The following BEST4 variants were observed in gnomAD, a reference collection of about 807,000 sequenced individuals.
The protein encoded by BEST4 is bestrophin 4, also known as bestrophin-4.
Under a neutral mutation model 47.1 loss-of-function variants are expected in BEST4, and 36 were observed. That is an observed-to-expected ratio of 0.76 (90% CI 0.59 to 1.01). BEST4 has a LOEUF of 1.01. BEST4 is among the 50% of genes least tolerant of loss of function. The probability of loss-of-function intolerance (pLI) is 0.00; values close to 1 mark genes in which losing one functional copy is unlikely to be tolerated. For missense variants in BEST4, 550 were observed against 648.6 expected (o/e 0.85, Z 1.65); for synonymous variants, 250 against 277.8 (o/e 0.90, Z 1.00).
rs1412637721 is a variant in BEST4 at position 44,785,320 on chromosome 1, G to A, written c.715-15C>T. ...ATGGTCACCACCTGGAGAATGAAGA[G>A]CCAGGCTCAGTGCAGGATGCAGCGG... is the stretch of plus-strand genomic sequence containing the variant. On this transcript the variant is annotated splice_polypyrimidine_tract_variant and intron_variant, in intron 5 of 8. Coordinates refer to ENST00000372207, the MANE Select transcript of BEST4 (RefSeq NM_153274.3). The A allele has an allele frequency of 2.0e-5, 31 of 1,572,606 alleles. No individual in the cohort carries two copies. Among genetic ancestry groups the A allele is most frequent in the Non-Finnish European group, 2.4e-5 (28 of 1,157,992 alleles).
upstream of BEST4, among the ~76,000 whole-genome samples, chr1:44,788,762 G>C (rs954156519): frequency 1.3e-5 from 2 of 152,246 alleles, no homozygotes; most frequent in Non-Finnish European, 2.9e-5. Flanking sequence ...CAGTCTTCTT[G>C]TACAGGGGCT....
downstream of BEST4, among the ~76,000 whole-genome samples, chr1:44,781,847 A>G (rs891417268): frequency 6.6e-6 from 1 of 152,182 alleles, no homozygotes. Flanking sequence ...TAATTGGGAA[A>G]AAAGTCTTGA....
In BEST4 at chr1:44,784,569, G is replaced by A; in HGVS notation, c.1148+60C>T. 2 of 1,558,084 alleles carry A rather than the reference G, an allele frequency of 1.3e-6. No individual in the cohort carries two copies. The highest frequency in any genetic ancestry group is 2.4e-5 in the South Asian group (2 of 85,006). ...CTCTCGGGGAAGGACCGAGGCATCG[G>A]TGCCCCAGAGGCTGAGCGAGGACCC... On this transcript the variant is annotated intron_variant, in intron 8 of 8. Transcript: ENST00000372207. This position sits in a 1 kb window ranked among gnomAD's most constrained non-coding sequence, Gnocchi z 6.2.
downstream of BEST4, among the ~76,000 whole-genome samples, chr1:44,782,657 TAAA>T (rs1651076213): frequency 7.3e-6 from 1 of 137,916 alleles, no homozygotes; most frequent in Admixed American, 6.9e-5. Context: ...AATAAATAAA[TAAA>T]TAAATAAATA....
Position 44,787,573 on chromosome 1 carries a change from C to G in BEST4, c.133G>C (p.Val45Leu), listed in dbSNP as rs1440060506. Residue 45 changes from valine (V) to leucine (L), a missense_variant, in exon 1 of 9, where the codon GTG becomes CTG. By Grantham distance (32) the Val-to-Leu change is conservative. Around this residue, in one of 3 missense-constraint regions of BEST4, gnomAD observed 291 missense variants for 342.4 expected, o/e 0.85. Transcript: ENST00000372207. ...CCTTACCGGTAGGTGATGCTAAGCA[C>G]AGCGTACAAGGCCCCAAAGAGGAGG... ...EFLLFGALYA[V>L]LSITYRLLLT... is the part of the protein sequence containing the mutation. 6.2e-7 allele frequency: 1 copy of G among 1,614,074 alleles called. No individual in the cohort carries two copies. The highest frequency in any genetic ancestry group is 8.5e-7 in the Non-Finnish European group (1 of 1,180,042).
At chr1:44,792,426 C>CAAA (rs35538089), upstream of BEST4, among the ~76,000 whole-genome samples, 4 of 98,186 alleles carry the variant, frequency 4.1e-5, no homozygotes, top group Admixed American at 2.2e-4. Flanking sequence ...GACTCCATCT[C>CAAA]AAAAAAAAAA....
chr1:44,785,204 C>T lies in BEST4; in HGVS notation c.816G>A (p.Lys272=). The T allele has an allele frequency of 6.2e-7, 1 of 1,613,818 alleles. No homozygotes were observed. The highest frequency in any genetic ancestry group is 1.1e-5 in the South Asian group (1 of 91,040). Residue 272 remains lysine (K), a synonymous_variant, in exon 6 of 9, where the codon AAG becomes AAA. Transcript: ENST00000372207. ...AGAAKPQKLL[K]PGQEPAPALG... ...GGGCTGGGGCTGGCTCCTGGCCTGG[C>T]TTCAGAAGCTTCTGAGGTTTGGCAG...
rs766409121 is a variant in BEST4, at chr1:44,787,754, G to C, written c.-49C>G. The stretch of plus-strand genomic sequence containing the variant: ...GGTCACAAGAGTTGCCCCCAGGGCT[G>C]TCGTTTAGTTCTCCAGACAACCTCC... On this transcript the variant is annotated 5_prime_UTR_variant, in exon 1 of 9. Coordinates refer to ENST00000372207, the MANE Select transcript of BEST4 (RefSeq NM_153274.3). 3.7e-6 allele frequency: 6 copies of C among 1,607,330 alleles called. No homozygotes were observed. Among genetic ancestry groups the C allele is most frequent in the Non-Finnish European group, 5.1e-6 (6 of 1,176,480 alleles).
Position 44,786,429 on chromosome 1 carries a change from C to T in BEST4, c.481+34G>A, listed in dbSNP as rs1287719427. ...GGCGCCACCTGCATCCGGCTGTGGGCCGGACCCCCAGAGGCTCCCGGCGGG... is the reference window on the plus strand; with the variant it reads ...GGCGCCACCTGCATCCGGCTGTGGGTCGGACCCCCAGAGGCTCCCGGCGGG... On this transcript the variant is annotated intron_variant, in intron 3 of 8. Transcript: ENST00000372207. The surrounding 1 kb of genome is among the most constrained non-coding windows in gnomAD (Gnocchi z 4.9). The T allele has an allele frequency of 6.8e-7, 1 of 1,479,406 alleles. No individual in the cohort carries two copies. Among genetic ancestry groups the T allele is most frequent in the Non-Finnish European group, 9.0e-7 (1 of 1,113,422 alleles). The allele number at this position is 1,479,406 out of a possible 1,614,324, so 91.6% of individuals were successfully genotyped here. A position where few individuals can be genotyped will look rare whatever the true frequency, so the allele number is the denominator to read the frequency against.
chr1:44,787,218 C>A (rs1445007891), intron 2 of BEST4, among the ~76,000 whole-genome samples, 154 bp downstream of exon 2: 1 of 148,692 alleles, frequency 6.7e-6, no homozygotes, highest in Non-Finnish European at 1.5e-5. Flanking sequence ...TGGGCTCAAG[C>A]GATCCTCTCA....
rs1043965383 is a variant in BEST4 at position 44,786,634 on chromosome 1, C to T, written c.310G>A (p.Asp104Asn). Reference sequence around the variant, plus strand: ...GCCGAGATGACGCACATCAGCTGGTCTGGCAGCGGGATGCTTGTGTACTGG... The same window carrying T: ...GCCGAGATGACGCACATCAGCTGGTTTGGCAGCGGGATGCTTGTGTACTGG... ...WSQYTSIPLP[D>N]QLMCVISASV... Residue 104 changes from aspartate to asparagine, a missense_variant, in exon 3 of 9, where the codon GAC becomes AAC. This residue lies in a region of BEST4 where 291 missense variants were observed against 342.4 expected (regional missense o/e 0.85). Coordinates refer to ENST00000372207, the MANE Select transcript of BEST4 (RefSeq NM_153274.3). This position sits in a 1 kb window ranked among gnomAD's most constrained non-coding sequence, Gnocchi z 4.9. The T allele has an allele frequency of 6.4e-7, 1 of 1,551,558 alleles. No individual in the cohort carries two copies. The highest frequency in any genetic ancestry group is 1.4e-5 in the African/African-American group (1 of 73,070).
chr1:44,788,128 C>T lies in BEST4; in HGVS notation c.-423G>A, dbSNP rs6690913. ...GGGCACTCTCACCCCCATCCCATAC[C>T]TGCCTACCTGCTCTGGGCAGCAGCC... On this transcript the variant is annotated 5_prime_UTR_variant, in exon 1 of 9. Coordinates refer to ENST00000372207, the MANE Select transcript of BEST4 (RefSeq NM_153274.3). 0.017 allele frequency among the ~76,000 whole-genome samples: 2,588 copies of T among 152,346 alleles called. 74 individuals are homozygous for T. Among genetic ancestry groups the T allele is most frequent in the African/African-American group, 0.059 (2,466 of 41,570 alleles).
upstream of BEST4, among the ~76,000 whole-genome samples, chr1:44,788,608 G>A (rs1297240072): frequency 6.6e-6 from 1 of 152,380 alleles, no homozygotes; most frequent in East Asian, 1.9e-4. Context: ...GCTCCAAGAG[G>A]TAAATGACTT....
In BEST4 at chr1:44,784,873, G is replaced by A. The variant is rs1651163736; in HGVS notation, c.993+32C>T. 1 of 1,612,674 alleles carries A rather than the reference G, an allele frequency of 6.2e-7. No individual in the cohort carries two copies. The highest frequency in any genetic ancestry group is 1.3e-5 in the African/African-American group (1 of 74,908). On this transcript the variant is annotated intron_variant, in intron 7 of 8. Transcript: ENST00000372207. This position sits in a 1 kb window ranked among gnomAD's most constrained non-coding sequence, Gnocchi z 6.2. ...GACCGGGAGAGGGGGCCCAGGAGCTGCCCTGGACTCCTGATCCTGATGCTT... is the reference window on the plus strand; with the variant it reads ...GACCGGGAGAGGGGGCCCAGGAGCTACCCTGGACTCCTGATCCTGATGCTT...
chr1:44,784,141 T>A lies in BEST4; in HGVS notation c.*69A>T. 1.5e-6 allele frequency: 2 copies of A among 1,332,158 alleles called. No individual in the cohort carries two copies. Among genetic ancestry groups the A allele is most frequent in the Non-Finnish European group, 1.9e-6 (2 of 1,038,046 alleles). The allele number at this position is 1,332,158 out of a possible 1,614,324, so 82.5% of individuals were successfully genotyped here. On this transcript the variant is annotated 3_prime_UTR_variant, in exon 9 of 9. Coordinates refer to ENST00000372207, the MANE Select transcript of BEST4 (RefSeq NM_153274.3). This position sits in a 1 kb window ranked among gnomAD's most constrained non-coding sequence, Gnocchi z 6.2. Reference sequence around the variant, plus strand: ...GAAAAGCTGCTCTAATAGAGCTGGCTGGCAGGACCGGGCACGGGAGGGAAG... The same window carrying A: ...GAAAAGCTGCTCTAATAGAGCTGGCAGGCAGGACCGGGCACGGGAGGGAAG...
chr1:44,789,591 C>T (rs1216132318), upstream of BEST4, among the ~76,000 whole-genome samples: 4 of 151,510 alleles, frequency 2.6e-5, no homozygotes, highest in Admixed American at 6.6e-5. Flanking sequence ...CCAGCTACTC[C>T]GGAGGCTGAG....
chr1:44,792,560 C>G (rs12072767), upstream of BEST4, among the ~76,000 whole-genome samples: 2 of 151,958 alleles, frequency 1.3e-5, no homozygotes, highest in East Asian at 3.9e-4. Flanking sequence ...GAAGTGCTAC[C>G]GTGGCTATCA....
chr1:44,789,269 A>G (rs1480556471), upstream of BEST4, among the ~76,000 whole-genome samples: 1 of 116,016 alleles, frequency 8.6e-6, no homozygotes, highest in Non-Finnish European at 2.1e-5. Flanking sequence ...GAAAAGAAAG[A>G]AAGAAAAAGA....
chr1:44,785,279 GAA>G lies in BEST4; in HGVS notation c.739_740del (p.Phe247LeufsTer60). ...GGCGGCCAACCAGGGAGAGGGCAAAGAAAGAGTAGACGGCTATGGTCACCACC... is the reference window on the plus strand; with the variant it reads ...GGCGGCCAACCAGGGAGAGGGCAAAGAGAGTAGACGGCTATGGTCACCACC... ...TQVVTIAVYS[F>X]FALSLVGRQF... On this transcript the variant is annotated frameshift_variant, in exon 6 of 9. Transcript: ENST00000372207. LOFTEE classifies it high-confidence loss of function. 6.2e-7 allele frequency: 1 copy of G among 1,609,994 alleles called. No homozygotes were observed. The highest frequency in any genetic ancestry group is 8.5e-7 in the Non-Finnish European group (1 of 1,177,890).
Sources: allele counts gnomAD v4.1 joint callset (sites outside exome capture counted in the v4.1 genomes callset), GRCh38; gene constraint gnomAD v4.1.1; regional missense constraint gnomAD v4.1.1; non-coding constraint Gnocchi (gnomAD v3.1); transcripts MANE v1.5; gene names NCBI Gene and HGNC (gene_info 2026-07-23, HGNC 2026-07-21).